The following CHD7 variants were observed in gnomAD, a reference collection of about 807,000 sequenced individuals.
The protein encoded by CHD7 is chromodomain helicase DNA binding protein 7, also known as ATP-dependent chromatin remodeler CHD7.
In CHD7, 24 loss-of-function variants were observed where a neutral mutation model predicts 307.3. The observed-to-expected ratio is 0.08, with a 90% CI of 0.06 to 0.11. The LOEUF (loss-of-function observed/expected upper bound fraction) is 0.11, where lower values mean the gene tolerates loss of function less well. CHD7 is among the 10% of genes least tolerant of loss of function. The pLI is 1.00. For missense variants in CHD7, 3,106 were observed against 3,727.1 expected (o/e 0.83, Z 4.34); for synonymous variants, 1,363 against 1,349.9 (o/e 1.01, Z -0.21).
chr8:60,816,696 A>G (rs777046061), intron 8 of CHD7, among the ~76,000 whole-genome samples, 195 bp downstream of exon 8: 3 of 152,224 alleles, frequency 2.0e-5, no homozygotes, highest in Non-Finnish European at 4.4e-5. Flanking sequence ...AGGCTAGAAG[A>G]TATGGGTCCT....
At chr8:60,844,647 G>A (rs1265569547) in intron 21 of CHD7, among the ~76,000 whole-genome samples, 1 of 152,174 alleles carries the variant, frequency 6.6e-6, no homozygotes, top group East Asian at 1.9e-4. Context: ...TATTCTTGTG[G>A]CAGTTCAACT....
chr8:60,781,069 C>A lies in CHD7; in HGVS notation c.1735C>A (p.Gln579Lys), dbSNP rs780953224. ...DMTQVSGPNA[Q>K]LVKSDDYLPS... ...GACTCAGGTTAGTGGACCGAATGCTCAGCTAGTGAAGAGTGATGATTACCT... is the reference window on the plus strand; with the variant it reads ...GACTCAGGTTAGTGGACCGAATGCTAAGCTAGTGAAGAGTGATGATTACCT... The change falls in exon 3 of 38, where the codon CAG becomes AAG. Residue 579 changes from glutamine to lysine, a missense_variant. Coordinates refer to ENST00000423902, the MANE Select transcript of CHD7 (RefSeq NM_017780.4). The A allele has an allele frequency of 6.2e-7, 1 of 1,610,000 alleles. No homozygotes were observed. The highest frequency in any genetic ancestry group is 8.5e-7 in the Non-Finnish European group (1 of 1,178,590).
chr8:60,754,194 CAG>C (rs1311650266), intron 2 of CHD7, among the ~76,000 whole-genome samples: 1 of 152,184 alleles, frequency 6.6e-6, no homozygotes, highest in Non-Finnish European at 1.5e-5. Context: ...GGCAAGAGCA[CAG>C]AGTTGTGAAG....
At position 60,800,334 on chromosome 8, in the gene CHD7, A is replaced by G. The variant is rs1324871129; in HGVS notation, c.2239-54A>G. 1.4e-5 allele frequency: 22 copies of G among 1,582,640 alleles called. No individual in the cohort carries two copies. The African/African-American group carries it at 1.8e-4, about 13-fold the overall frequency. ...GGCGTGAGCCACTGCGCTCGGCCAC[A>G]TTTTTCTTTTTAATCATTAATTTCA... On this transcript the variant is annotated intron_variant, in intron 4 of 37. Coordinates refer to ENST00000423902, the MANE Select transcript of CHD7 (RefSeq NM_017780.4).
At chr8:60,737,746 A>G (rs1808781058) in intron 1 of CHD7, among the ~76,000 whole-genome samples, 1 of 152,194 alleles carries the variant, frequency 6.6e-6, no homozygotes, top group South Asian at 2.1e-4. Context: ...ATATTCTCAC[A>G]TTTAGTTAGA....
At chr8:60,793,550 T>C (rs895773243) in intron 3 of CHD7, among the ~76,000 whole-genome samples, 8 of 152,324 alleles carry the variant, frequency 5.3e-5, no homozygotes, top group Middle Eastern at 3.4e-3. Flanking sequence ...ATATTTTACA[T>C]GACATATGCT....
chr8:60,783,488 A>G (rs1210498680), intron 3 of CHD7, among the ~76,000 whole-genome samples: 1 of 152,214 alleles, frequency 6.6e-6, no homozygotes, highest in Non-Finnish European at 1.5e-5. Context: ...GAGTCTGTGC[A>G]GAGTAAGTGT....
chr8:60,741,369 C>T lies in CHD7; in HGVS notation c.-64C>T, dbSNP rs1808992860. The T allele has an allele frequency of 8.6e-7, 1 of 1,161,800 alleles. No homozygotes were observed. Among genetic ancestry groups the T allele is most frequent in the Admixed American group, 2.3e-5 (1 of 43,484 alleles). 72.0% of individuals were successfully genotyped at this position (1,161,800 alleles called of 1,614,324 possible). A position where few individuals can be genotyped will look rare whatever the true frequency, so the allele number is the denominator to read the frequency against. ...TTATAGGCTTTGAGGGCAAACACCT[C>T]AGTGAAGTGAAGCACAGGCAAGCTC... is the stretch of plus-strand genomic sequence containing the variant. On this transcript the variant is annotated 5_prime_UTR_variant, in exon 2 of 38. Coordinates refer to ENST00000423902, the MANE Select transcript of CHD7 (RefSeq NM_017780.4).
At chr8:60,794,200 A>T (rs1811907393) in intron 3 of CHD7, among the ~76,000 whole-genome samples, 1 of 152,210 alleles carries the variant, frequency 6.6e-6, no homozygotes, top group East Asian at 1.9e-4. Context: ...AGTCAGGTAA[A>T]GGTTCTAGAG....
At chr8:60,837,606 T>A in intron 17 of CHD7, 62 bp from the exon 18 acceptor site, 6 of 1,363,208 alleles carry the variant, frequency 4.4e-6, no homozygotes, top group Non-Finnish European at 5.0e-6. Flanking sequence ...GCATATGAAT[T>A]TGGTGGGGAG....
intron 6 of CHD7, among the ~76,000 whole-genome samples, chr8:60,802,904 G>A (rs956585970): frequency 3.3e-5 from 5 of 152,086 alleles, no homozygotes; most frequent in Non-Finnish European, 5.9e-5. Flanking sequence ...AATTTTTATC[G>A]GAATATACAT....
Position 60,866,034 on chromosome 8 carries a change from C to T in CHD7, c.*101C>T, listed in dbSNP as rs941581933. The T allele has an allele frequency of 9.0e-7, 1 of 1,114,858 alleles. No homozygotes were observed. The highest frequency in any genetic ancestry group is 1.6e-5 in the African/African-American group (1 of 62,340). 69.1% of individuals were successfully genotyped at this position (1,114,858 alleles called of 1,614,324 possible). ...TTCATACCTAGTTTTATAAGCTGTT[C>T]TGTAACATAGTGTAGCAAAAAAAAA... On this transcript the variant is annotated 3_prime_UTR_variant, in exon 38 of 38. Transcript: ENST00000423902.
Position 60,742,057 on chromosome 8 carries a change from A to G in CHD7, c.625A>G (p.Arg209Gly). ...SMQQHGQPQQ[R>G]MSQFSQGQEG... ...GCAGCAGCATGGTCAGCCACAGCAGAGGATGAGCCAGTTTTCCCAAGGCCA... is the reference window on the plus strand; with the variant it reads ...GCAGCAGCATGGTCAGCCACAGCAGGGGATGAGCCAGTTTTCCCAAGGCCA... Residue 209 changes from arginine to glycine, a missense_variant, in exon 2 of 38, where the codon AGG (arginine) becomes GGG (glycine). By Grantham distance (125) the Arg-to-Gly change is moderately radical (BLOSUM62 -2). This residue lies in a region of CHD7 where 998 missense variants were observed against 1,004.5 expected (regional missense o/e 0.99). Coordinates refer to ENST00000423902, the MANE Select transcript of CHD7 (RefSeq NM_017780.4). 6.2e-7 allele frequency: 1 copy of G among 1,613,938 alleles called. No individual in the cohort carries two copies. The highest frequency in any genetic ancestry group is 8.5e-7 in the Non-Finnish European group (1 of 1,179,890).
chr8:60,772,300 C>A (rs2150647671), intron 2 of CHD7, among the ~76,000 whole-genome samples: 1 of 152,262 alleles, frequency 6.6e-6, no homozygotes, highest in East Asian at 1.9e-4. Context: ...GTGTTGCAGA[C>A]ACACCTTTGA....
In CHD7 at chr8:60,848,590, G is replaced by A. The variant is rs1233834578; in HGVS notation, c.5286G>A (p.Glu1762=). Residue 1762 remains glutamate, a synonymous_variant, in exon 24 of 38, where the codon GAG becomes GAA. Transcript: ENST00000423902. ...GAGACCAGGCGGATAAGATCTTAGAGGGTGCTGACTCAAGGTTAGTGCGAG... is the reference window on the plus strand; with the variant it reads ...GAGACCAGGCGGATAAGATCTTAGAAGGTGCTGACTCAAGGTTAGTGCGAG... ...VIGDQADKIL[E]GADSSEADVW... is the part of the protein sequence containing the mutation. The A allele has an allele frequency of 3.1e-6, 5 of 1,613,188 alleles. No individual in the cohort carries two copies. Among genetic ancestry groups the A allele is most frequent in the Non-Finnish European group, 4.2e-6 (5 of 1,179,534 alleles).
At chr8:60,723,018 T>C (rs1209501082) in intron 1 of CHD7, among the ~76,000 whole-genome samples, 2 of 152,252 alleles carry the variant, frequency 1.3e-5, no homozygotes, top group Non-Finnish European at 2.9e-5. Flanking sequence ...CTTTTCACCA[T>C]TCATGGTTTT....
intron 1 of CHD7, among the ~76,000 whole-genome samples, chr8:60,708,979 T>G (rs1586193034): frequency 1.3e-5 from 2 of 152,292 alleles, no homozygotes; most frequent in African/African-American, 4.8e-5. Flanking sequence ...GTGGAGACGT[T>G]GCTGGCCCTT....
chr8:60,743,927 G>A (rs1020445726), intron 2 of CHD7, among the ~76,000 whole-genome samples: 2 of 152,280 alleles, frequency 1.3e-5, no homozygotes, highest in South Asian at 4.1e-4. Context: ...TGTTTTTGGG[G>A]TGCACAGTAG....
Position 60,700,572 on chromosome 8 carries a change from G to C in CHD7, c.-175+21490G>C, listed in dbSNP as rs558613052. On this transcript the variant is annotated intron_variant, in intron 1 of 37. Transcript: ENST00000423902. ...CTGAATAGTTGGTAGCAACTATTAC[G>C]TTGCTCATTTTAGGCAGCAACCTAA... 3.9e-5 allele frequency among the ~76,000 whole-genome samples: 6 copies of C among 152,330 alleles called. No homozygotes were observed. In the East Asian group the frequency reaches 1.2e-3, roughly 29 times the overall value.
Sources: gnomAD v4.1 joint callset for allele counts (sites outside exome capture counted in the v4.1 genomes callset) on GRCh38, gnomAD v4.1.1 for gene constraint, gnomAD v4.1.1 regional missense constraint, MANE v1.5 for transcripts, NCBI Gene and HGNC (gene_info 2026-07-23, HGNC 2026-07-21) for gene names.